The following SCN7A variants were observed in gnomAD, a reference collection of about 807,000 sequenced individuals.
SCN7A encodes sodium channel protein type 7 subunit alpha.
A neutral mutation model predicts 155.2 loss-of-function variants in SCN7A; 138 were observed. The observed-to-expected ratio is 0.89, with a 90% CI of 0.77 to 1.02. The LOEUF (loss-of-function observed/expected upper bound fraction) is 1.02, where lower values mean the gene tolerates loss of function less well. Ranked by LOEUF, SCN7A falls within the 50% of genes least tolerant of loss-of-function variation. SCN7A has a pLI of 0.00. For missense variants in SCN7A, 2,058 were observed against 1,986.6 expected (o/e 1.04, Z -0.68); for synonymous variants, 693 against 649.0 (o/e 1.07, Z -1.03).
rs1332977241 is a variant in SCN7A, at chr2:166,485,038, C to T, written c.-15+1818G>A. Among the ~76,000 whole-genome samples the T allele has an allele frequency of 2.6e-5, 4 of 151,934 alleles. No homozygotes were observed. The East Asian group carries it at 7.7e-4, about 29-fold the overall frequency. The stretch of plus-strand genomic sequence containing the variant: ...AAATAAAAATGGAAGTCTATTTATC[C>T]AATAGAATACAATTAGCAAAATAAT... On this transcript the variant is annotated intron_variant, in intron 2 of 25. Transcript: ENST00000643258.
At chr2:166,417,454 C>T (rs1701404306) in intron 20 of SCN7A, among the ~76,000 whole-genome samples, 1 of 152,010 alleles carries the variant, frequency 6.6e-6, no homozygotes, top group African/African-American at 2.4e-5. Context: ...GCATGGGCAA[C>T]AGACCCAGAC....
chr2:166,468,320 G>A (rs920395766), intron 7 of SCN7A, among the ~76,000 whole-genome samples: 1 of 152,042 alleles, frequency 6.6e-6, no homozygotes, highest in Non-Finnish European at 1.5e-5. Context: ...GGACTCAGAT[G>A]AATCTGCCTG....
Position 166,441,695 on chromosome 2 carries a change from G to A in SCN7A, c.1858C>T (p.Leu620Phe). The A allele has an allele frequency of 6.2e-7, 1 of 1,613,322 alleles. No homozygotes were observed. Among genetic ancestry groups the A allele is most frequent in the Non-Finnish European group, 8.5e-7 (1 of 1,179,628 alleles). Residue 620 changes from leucine (L) to phenylalanine (F), a missense_variant, in exon 15 of 26, where the codon CTT becomes TTT. Leu to Phe is a conservative substitution (Grantham distance 22). Coordinates refer to ENST00000643258, the MANE Select transcript of SCN7A (RefSeq NM_002976.4). The stretch of plus-strand genomic sequence containing the variant: ...TTCAGGGCCACCCATGAGTTACTAA[G>A]AGACCACATCAAAATCTGGAATGTT... ...WPTFQILMWS[L>F]SNSWVALKDL...
At chr2:166,473,930 G>C (rs1008233231) in intron 4 of SCN7A, 42 bp from the exon 5 acceptor site, 1 of 1,059,430 alleles carries the variant, frequency 9.4e-7, no homozygotes, top group Non-Finnish European at 1.4e-6. Flanking sequence ...AATAATATTG[G>C]AAAAGATATA....
chr2:166,427,354 T>A (rs930660511), intron 18 of SCN7A, among the ~76,000 whole-genome samples: 2 of 152,078 alleles, frequency 1.3e-5, no homozygotes, highest in Non-Finnish European at 2.9e-5. Context: ...CAAATACATT[T>A]GTAGTTCACA....
At position 166,406,655 on chromosome 2, in the gene SCN7A, G is replaced by A. The variant is rs757030005; in HGVS notation, c.3983-9C>T. On this transcript the variant is annotated splice_polypyrimidine_tract_variant and intron_variant, in intron 25 of 25. Coordinates refer to ENST00000643258, the MANE Select transcript of SCN7A (RefSeq NM_002976.4). ...CATAGGCAGACATAGTCCTGGGGGT[G>A]GGAAAGATAAAGCAGGCTATACATT... The A allele has an allele frequency of 6.4e-6, 10 of 1,561,328 alleles. No homozygotes were observed. The highest frequency in any genetic ancestry group is 1.7e-4 in the Middle Eastern group (1 of 5,802).
At chr2:166,439,051 G>GTATA (rs1200483058) in intron 15 of SCN7A, among the ~76,000 whole-genome samples, 1 of 67,466 alleles carries the variant, frequency 1.5e-5, no homozygotes, top group East Asian at 4.3e-4. Context: ...ATGTGTGTGT[G>GTATA]TGTGTATATA....
At chr2:166,409,583 G>T in intron 25 of SCN7A, 82 bp downstream of exon 25, 1 of 1,048,718 alleles carries the variant, frequency 9.5e-7, no homozygotes, top group Non-Finnish European at 1.3e-6. Context: ...TGAAATGTAG[G>T]AGACTATATT....
chr2:166,480,164 A>C (rs1575065744), intron 2 of SCN7A, among the ~76,000 whole-genome samples: 1 of 152,288 alleles, frequency 6.6e-6, no homozygotes, highest in South Asian at 2.1e-4. Context: ...TTTCCTTTAA[A>C]ATAGCCTTTC....
intron 21 of SCN7A, chr2:166,414,802 T>C (rs1173630180): frequency 5.2e-5 from 7 of 134,474 alleles, no homozygotes; most frequent in Admixed American, 5.0e-4. Context: ...TATAGGATAA[T>C]ATATAGTAGG....
At chr2:166,452,830 A>C (rs964173546) in intron 11 of SCN7A, among the ~76,000 whole-genome samples, 1 of 152,170 alleles carries the variant, frequency 6.6e-6, no homozygotes, top group Non-Finnish European at 1.5e-5. Context: ...ACTCCTCAAT[A>C]AGGATTAAAC....
At chr2:166,490,188 CACTTAT>C (rs1436818872) in intron 1 of SCN7A, among the ~76,000 whole-genome samples, 2 of 151,986 alleles carry the variant, frequency 1.3e-5, no homozygotes, top group Non-Finnish European at 2.9e-5. Context: ...TGCAATAGAA[CACTTAT>C]ACTTATGCCT....
At position 166,416,692 on chromosome 2, in the gene SCN7A, CA is replaced by C; in HGVS notation, c.3414+14del. 1.9e-6 allele frequency: 3 copies of C among 1,578,138 alleles called. No individual in the cohort carries two copies. The highest frequency in any genetic ancestry group is 4.6e-5 in the East Asian group (2 of 43,738). On this transcript the variant is annotated intron_variant, in intron 21 of 25. Coordinates refer to ENST00000643258, the MANE Select transcript of SCN7A (RefSeq NM_002976.4). ...GAATATATAATTAATAAGGAAAAGT[CA>C]AAAGTGTACTTACTACTTGAAGCAG...
chr2:166,412,083 T>C (rs921649257), intron 23 of SCN7A, among the ~76,000 whole-genome samples: 6 of 152,062 alleles, frequency 3.9e-5, no homozygotes, highest in Admixed American at 1.3e-4. Context: ...GCCACCCAGT[T>C]AGGATTTATG....
chr2:166,465,654 A>G, intron 8 of SCN7A, 123 bp from the exon 9 acceptor site: 2 of 1,261,390 alleles, frequency 1.6e-6, no homozygotes, highest in Non-Finnish European at 1.1e-6. Context: ...AAGAGCAAAT[A>G]TCCTTGCCTT....
chr2:166,441,332 C>T, intron 15 of SCN7A, 64 bp downstream of exon 15: 8 of 1,177,396 alleles, frequency 6.8e-6, no homozygotes, highest in Non-Finnish European at 9.5e-6. Flanking sequence ...CAATGCACAT[C>T]ATGAAAATAC....
rs531223641 is a variant in SCN7A at position 166,469,064 on chromosome 2, T to A, written c.664+1551A>T. Among the ~76,000 whole-genome samples, 233 of 151,326 alleles carry A rather than the reference T, an allele frequency of 1.5e-3. 1 individual carries two copies. Among genetic ancestry groups the A allele is most frequent in the African/African-American group, 5.4e-3 (224 of 41,324 alleles). On this transcript the variant is annotated intron_variant, in intron 7 of 25. Coordinates refer to ENST00000643258, the MANE Select transcript of SCN7A (RefSeq NM_002976.4). ...TTGTAGGGTCTTTTTCCAGTTAAAA[T>A]TTTTTTTAAGTTTTTTCTATTGTAT...
chr2:166,475,121 CATATAT>C (rs1553520554), intron 3 of SCN7A, among the ~76,000 whole-genome samples: 2 of 102,232 alleles, frequency 2.0e-5, no homozygotes, highest in African/African-American at 8.1e-5. Context: ...TATATATATA[CATATAT>C]ATATATATAT....
In SCN7A at chr2:166,405,570, G is replaced by A; in HGVS notation, c.*10C>T. 6.6e-7 allele frequency: 1 copy of A among 1,520,916 alleles called. No homozygotes were observed. 94.2% of individuals were successfully genotyped at this position (1,520,916 alleles called of 1,614,324 possible). Reference sequence around the variant, plus strand: ...ATGTGAAGAAATATGAAAAGAGGTGGTAAGTGGTATTAGATCTGGCTTTGA... The same window carrying A: ...ATGTGAAGAAATATGAAAAGAGGTGATAAGTGGTATTAGATCTGGCTTTGA... On this transcript the variant is annotated 3_prime_UTR_variant, in exon 26 of 26. Transcript: ENST00000643258.
Sources: gnomAD v4.1 joint callset for allele counts (sites outside exome capture counted in the v4.1 genomes callset) on GRCh38, gnomAD v4.1.1 for gene constraint, MANE v1.5 for transcripts, NCBI Gene and HGNC (gene_info 2026-07-23, HGNC 2026-07-21) for gene names.